Variants in PITPNM2 observed in about 807,000 individuals in gnomAD.
PITPNM2 encodes the protein membrane-associated phosphatidylinositol transfer protein 2.
PITPNM2 carries 35 observed loss-of-function variants against 132.2 expected under a neutral mutation model. That is an observed-to-expected ratio of 0.26 (90% CI 0.20 to 0.35). PITPNM2 has a LOEUF of 0.35. Among genes scored for constraint, PITPNM2 ranks in the 10% least tolerant of loss-of-function variants. PITPNM2 has a pLI of 1.00. For missense variants in PITPNM2, 1,332 were observed against 1,912.0 expected, an observed-to-expected ratio of 0.70 and a Z score of 5.66; for synonymous variants, 738 against 799.2, an observed-to-expected ratio of 0.92 and a Z score of 1.29.
chr12:123,086,595 C>T (rs7964036), intron 2 of PITPNM2, among the ~76,000 whole-genome samples: 6,312 of 152,264 alleles, frequency 0.041, 430 homozygotes, highest in African/African-American at 0.14. Flanking sequence ...TGTGAATTAA[C>T]TGATTGAATC....
At chr12:123,112,973 G>C (rs958353335) in intron 1 of PITPNM2, among the ~76,000 whole-genome samples, 9 of 152,224 alleles carry the variant, frequency 5.9e-5, no homozygotes, top group African/African-American at 2.2e-4. Flanking sequence ...CCCTGACTCT[G>C]TTTCAGTCCA....
chr12:123,109,991 T>C (rs536848855), intron 2 of PITPNM2, among the ~76,000 whole-genome samples: 1 of 152,348 alleles, frequency 6.6e-6, no homozygotes, highest in South Asian at 2.1e-4. Flanking sequence ...GGGGTCTCAC[T>C]GTGTTACTCA....
intron 2 of PITPNM2, among the ~76,000 whole-genome samples, chr12:123,045,324 G>T (rs997327563): frequency 1.3e-5 from 2 of 151,966 alleles, no homozygotes; most frequent in African/African-American, 4.8e-5. Context: ...TGTTTCCATT[G>T]TCTCACCTCC....
At chr12:123,085,017 C>T (rs1294961167) in intron 2 of PITPNM2, among the ~76,000 whole-genome samples, 1 of 152,198 alleles carries the variant, frequency 6.6e-6, no homozygotes, top group Non-Finnish European at 1.5e-5. Context: ...TAATAGAGAA[C>T]CAGATCCATT....
intron 4 of PITPNM2, among the ~76,000 whole-genome samples, chr12:123,013,352 C>T (rs1286068191): frequency 2.0e-5 from 3 of 152,202 alleles, no homozygotes; most frequent in Admixed American, 2.0e-4. Context: ...GAGTGAAGAA[C>T]CCTCTGCCAG....
At chr12:123,079,868 T>C (rs925086120) in intron 2 of PITPNM2, among the ~76,000 whole-genome samples, 1 of 152,192 alleles carries the variant, frequency 6.6e-6, no homozygotes, top group Non-Finnish European at 1.5e-5. Flanking sequence ...CCACCACCTC[T>C]ATCTAGTTCC....
At chr12:123,042,523 C>T (rs2040523051) in intron 2 of PITPNM2, among the ~76,000 whole-genome samples, 1 of 152,198 alleles carries the variant, frequency 6.6e-6, no homozygotes, top group African/African-American at 2.4e-5. Context: ...AGTTCAGCTG[C>T]ATTCTGGTTA....
chr12:123,128,154 G>C (rs2043186390), intron 1 of PITPNM2, among the ~76,000 whole-genome samples: 1 of 151,204 alleles, frequency 6.6e-6, no homozygotes, highest in African/African-American at 2.4e-5. Flanking sequence ...TAAAGTATCT[G>C]AGTGCGGTTG....
At chr12:123,015,672 A>G (rs2136277393) in intron 3 of PITPNM2, among the ~76,000 whole-genome samples, 1 of 152,338 alleles carries the variant, frequency 6.6e-6, no homozygotes, top group East Asian at 1.9e-4. Context: ...AAACAAGGTC[A>G]TCTTTATGAC....
At chr12:123,086,211 A>G (rs1358828184) in intron 2 of PITPNM2, among the ~76,000 whole-genome samples, 1 of 152,110 alleles carries the variant, frequency 6.6e-6, no homozygotes, top group African/African-American at 2.4e-5. Flanking sequence ...ACATGCCAGC[A>G]CCTTCCTGCT....
In PITPNM2 at chr12:123,099,162, C is replaced by G. The variant is rs949490493; in HGVS notation, c.-96+11223G>C. On this transcript the variant is annotated intron_variant, in intron 2 of 25. Transcript: ENST00000320201. The surrounding 1 kb of genome is among the most constrained non-coding windows in gnomAD (Gnocchi z 4.2). ...CACTGGATCTCTGATTCAGTGGGCA[C>G]AGCAAGCACCTGCCAGATAAGGGAG... Among the ~76,000 whole-genome samples the G allele has an allele frequency of 2.0e-5, 3 of 152,044 alleles. No individual in the cohort carries two copies. The highest frequency in any genetic ancestry group is 4.4e-5 in the Non-Finnish European group (3 of 68,000).
intron 3 of PITPNM2, among the ~76,000 whole-genome samples, chr12:123,028,009 G>A (rs779610874): frequency 5.1e-4 from 78 of 152,204 alleles, no homozygotes; most frequent in Non-Finnish European, 4.6e-4. Flanking sequence ...ACAGTGCTGC[G>A]GTACTGTTTT....
intron 2 of PITPNM2, chr12:123,089,402 TA>T (rs2042200484): frequency 6.6e-6 from 1 of 152,216 alleles, no homozygotes; most frequent in South Asian, 2.1e-4. Context: ...CTCAAGGCTC[TA>T]AAATGTAACA....
intron 2 of PITPNM2, among the ~76,000 whole-genome samples, chr12:123,062,644 AC>A (rs1334925742): frequency 6.6e-6 from 1 of 152,182 alleles, no homozygotes; most frequent in African/African-American, 2.4e-5. Context: ...AATACATTGA[AC>A]TCTCTGCAGT....
chr12:122,989,584 C>G (rs1267504332), intron 18 of PITPNM2, among the ~76,000 whole-genome samples: 1 of 152,166 alleles, frequency 6.6e-6, no homozygotes, highest in Non-Finnish European at 1.5e-5. Context: ...TGGCCTCACT[C>G]CAGCTCCGTG....
intron 1 of PITPNM2, among the ~76,000 whole-genome samples, chr12:123,136,926 A>C (rs1566307221): frequency 6.6e-6 from 1 of 152,216 alleles, no homozygotes; most frequent in Non-Finnish European, 1.5e-5. Context: ...AGCCCCCTTA[A>C]TTGGTGAATA....
intron 5 of PITPNM2, 119 bp downstream of exon 5, chr12:123,012,494 G>T (rs1370504833): frequency 1.5e-6 from 2 of 1,353,156 alleles, no homozygotes; most frequent in East Asian, 4.6e-5. Context: ...TGACCTGCCT[G>T]CCCAGGACAG....
At chr12:123,144,636 T>A (rs1001450390) in intron 1 of PITPNM2, among the ~76,000 whole-genome samples, 3 of 152,204 alleles carry the variant, frequency 2.0e-5, no homozygotes, top group African/African-American at 7.2e-5. Context: ...TTCACCATGT[T>A]GGCCAGGATG....
intron 10 of PITPNM2, among the ~76,000 whole-genome samples, chr12:122,998,762 G>T (rs894599661): frequency 2.0e-5 from 3 of 150,280 alleles, no homozygotes; most frequent in African/African-American, 7.4e-5. Flanking sequence ...CAGGAACCAG[G>T]TGCCAACACA....
Sources: gnomAD v4.1 joint callset for allele counts (sites outside exome capture counted in the v4.1 genomes callset) on GRCh38, gnomAD v4.1.1 for gene constraint, Gnocchi (gnomAD v3.1) non-coding constraint, MANE v1.5 for transcripts, NCBI Gene and HGNC (gene_info 2026-07-23, HGNC 2026-07-21) for gene names.